The following PHLPP2 variants were observed in gnomAD, a reference collection of about 807,000 sequenced individuals.
PHLPP2 encodes the protein PH domain and leucine rich repeat protein phosphatase 2, also known as PH domain leucine-rich repeat-containing protein phosphatase 2.
Under a neutral mutation model 124.9 loss-of-function variants are expected in PHLPP2, and 66 were observed. That is an observed-to-expected ratio of 0.53 (90% CI 0.43 to 0.65). The LOEUF is 0.65. Ranked by LOEUF, PHLPP2 falls within the 30% of genes least tolerant of loss-of-function variation. The probability of loss-of-function intolerance (pLI) is 0.00; values close to 1 mark genes in which losing one functional copy is unlikely to be tolerated. For synonymous variants in PHLPP2, 681 were observed against 624.7 expected (o/e 1.09, Z -1.34); for missense variants, 1,685 against 1,600.4 (o/e 1.05, Z -0.90).
chr16:71,676,385 T>C, intron 9 of PHLPP2, 62 bp downstream of exon 9: 3 of 1,354,600 alleles, frequency 2.2e-6, no homozygotes, highest in East Asian at 2.3e-5. Flanking sequence ...GGTGCCACTG[T>C]TCTCAGAAAG....
At chr16:71,669,395 G>C (rs765416595) in intron 10 of PHLPP2, 25 bp from the exon 11 acceptor site, 2 of 1,515,238 alleles carry the variant, frequency 1.3e-6, no homozygotes, top group Non-Finnish European at 1.8e-6. Context: ...TAATTAAATG[G>C]CACCATTTAA....
At chr16:71,690,402 A>G in intron 4 of PHLPP2, 117 bp downstream of exon 4, 1 of 725,394 alleles carries the variant, frequency 1.4e-6, no homozygotes. Flanking sequence ...ATAATCTTTA[A>G]TAATGCCCAT....
chr16:71,664,090 G>C lies in PHLPP2; in HGVS notation c.1794C>G (p.Tyr598Ter), dbSNP rs2044817691. ...CCAGACTATTTGCAGATGCATTCAAGTATCTGAGACTGACAGAACACACAC... is the reference window on the plus strand; with the variant it reads ...CCAGACTATTTGCAGATGCATTCAACTATCTGAGACTGACAGAACACACAC... ...TLFSKALNLR[Y>*]LNASANSLES... The change falls in exon 13 of 19, where the codon TAC becomes TAG. Residue 598 changes from tyrosine (Y) to a stop codon, truncating the protein, a stop_gained. Transcript: ENST00000568954. LOFTEE classifies it high-confidence loss of function. 1.2e-6 allele frequency: 2 copies of C among 1,610,642 alleles called. No individual in the cohort carries two copies. The highest frequency in any genetic ancestry group is 2.7e-5 in the African/African-American group (2 of 74,934).
At chr16:71,704,711 T>G (rs1254637384) in intron 2 of PHLPP2, among the ~76,000 whole-genome samples, 1 of 152,166 alleles carries the variant, frequency 6.6e-6, no homozygotes, top group Non-Finnish European at 1.5e-5. Context: ...CTTTTCAGAT[T>G]ATGTAGACAT....
chr16:71,723,944 G>A, intron 1 of PHLPP2: 1 of 436,212 alleles, frequency 2.3e-6, no homozygotes, highest in Non-Finnish European at 3.1e-6. Context: ...CGAGCAACCG[G>A]TGGCCCCGCC....
intron 17 of PHLPP2, among the ~76,000 whole-genome samples, 195 bp from the exon 18 acceptor site, chr16:71,653,216 T>C (rs2044710668): frequency 6.6e-6 from 1 of 151,580 alleles, no homozygotes; most frequent in Non-Finnish European, 1.5e-5. Flanking sequence ...CCACTCTCGC[T>C]GAGGAAAAGG....
At chr16:71,676,693 T>C (rs961486535) in intron 8 of PHLPP2, 44 bp from the exon 9 acceptor site, 1 of 1,335,798 alleles carries the variant, frequency 7.5e-7, no homozygotes, top group Non-Finnish European at 1.1e-6. Context: ...TAAGAGTCTA[T>C]TAAATGTGCT....
rs73580242 is a variant in PHLPP2 at position 71,722,020 on chromosome 16, T to C, written c.-7+2309A>G. On this transcript the variant is annotated intron_variant, in intron 1 of 18. Transcript: ENST00000568954. ...AAGAGTTACAAAAAAGAATGAAGTT[T>C]TGGAAGGGTCTTCAGAGAAAAATGA... 2.5e-3 allele frequency among the ~76,000 whole-genome samples: 376 copies of C among 152,328 alleles called. 2 individuals are homozygous for C. Among genetic ancestry groups the C allele is most frequent in the African/African-American group, 8.1e-3 (337 of 41,574 alleles).
intron 8 of PHLPP2, chr16:71,676,877 T>G (rs1351746777): frequency 2.1e-6 from 1 of 477,716 alleles, no homozygotes; most frequent in African/African-American, 2.0e-5. Context: ...GCCTCCCAAG[T>G]TGCTGGGATT....
intron 12 of PHLPP2, among the ~76,000 whole-genome samples, chr16:71,666,515 A>C (rs1224466267): frequency 6.6e-6 from 1 of 152,200 alleles, no homozygotes; most frequent in Non-Finnish European, 1.5e-5. Context: ...CATGTCTCTA[A>C]AAGCAAAAAA....
Position 71,663,967 on chromosome 16 carries a change from G to A in PHLPP2, c.1917C>T (p.Val639=), listed in dbSNP as rs367706830. 76 of 1,613,846 alleles carry A rather than the reference G, an allele frequency of 4.7e-5. No individual in the cohort carries two copies. Among genetic ancestry groups the A allele is most frequent in the Admixed American group, 8.3e-5 (5 of 59,998 alleles). ...NNLLTDQCIP[V]LVGHLHLRIL... Reference sequence around the variant, plus strand: ...TTCGCAGGTGCAGGTGCCCTACCAGGACAGGTATGCACTGATCCGTCAGGA... The same window carrying A: ...TTCGCAGGTGCAGGTGCCCTACCAGAACAGGTATGCACTGATCCGTCAGGA... The change falls in exon 13 of 19, where the codon GTC becomes GTT. Residue 639 remains valine (V), a synonymous_variant. Transcript: ENST00000568954.
chr16:71,718,517 C>T (rs188472571), intron 1 of PHLPP2, among the ~76,000 whole-genome samples: 1 of 151,402 alleles, frequency 6.6e-6, no homozygotes, highest in Admixed American at 6.6e-5. Context: ...GAGGCGGAGG[C>T]CACAGTGAGC....
At chr16:71,683,827 G>A (rs1020636610) in intron 5 of PHLPP2, among the ~76,000 whole-genome samples, 1 of 151,600 alleles carries the variant, frequency 6.6e-6, no homozygotes, top group African/African-American at 2.4e-5. Flanking sequence ...TTTTGCTCTT[G>A]TTGCCCGGGC....
At position 71,722,190 on chromosome 16, in the gene PHLPP2, G is replaced by A. The variant is rs974777150; in HGVS notation, c.-7+2139C>T. 3.9e-5 allele frequency among the ~76,000 whole-genome samples: 6 copies of A among 152,182 alleles called. No homozygotes were observed. In the East Asian group the frequency reaches 5.8e-4, roughly 15 times the overall value. ...CTCATCCTTGTAATTCCAACACTTCGGGAGGCCAAGGCGGGCGGATCACTG... is the reference window on the plus strand; with the variant it reads ...CTCATCCTTGTAATTCCAACACTTCAGGAGGCCAAGGCGGGCGGATCACTG... On this transcript the variant is annotated intron_variant, in intron 1 of 18. Coordinates refer to ENST00000568954, the MANE Select transcript of PHLPP2 (RefSeq NM_015020.3).
rs1376023359 is a variant in PHLPP2 at position 71,646,537 on chromosome 16, T to A, written c.*2353A>T. 6.6e-6 allele frequency: 1 copy of A among 152,202 alleles called. No individual in the cohort carries two copies. The highest frequency in any genetic ancestry group is 2.4e-5 in the African/African-American group (1 of 41,446). The allele number at this position is 152,202 out of a possible 1,614,324, so 9.4% of individuals were successfully genotyped here. ...AATAGCAGACAAGAAGGGTTCACCA[T>A]AATGAATAATTTTTATAAGACTATA... On this transcript the variant is annotated 3_prime_UTR_variant, in exon 19 of 19. Transcript: ENST00000568954.
chr16:71,685,695 A>G (rs1421264624), intron 4 of PHLPP2, among the ~76,000 whole-genome samples: 1 of 152,232 alleles, frequency 6.6e-6, no homozygotes, highest in African/African-American at 2.4e-5. Flanking sequence ...AAGAATAGAT[A>G]CTGACTGTTT....
At chr16:71,685,627 G>A (rs2045048010) in intron 4 of PHLPP2, among the ~76,000 whole-genome samples, 2 of 152,054 alleles carry the variant, frequency 1.3e-5, no homozygotes, top group Admixed American at 6.6e-5. Context: ...TTTTTCATTA[G>A]TAACAAATCA....
Position 71,698,138 on chromosome 16 carries a change from C to T in PHLPP2, c.418+4460G>A, listed in dbSNP as rs555931175. Among the ~76,000 whole-genome samples the T allele has an allele frequency of 9.3e-4, 142 of 152,180 alleles. 1 individual carries two copies. Among genetic ancestry groups the T allele is most frequent in the African/African-American group, 1.9e-3 (77 of 41,522 alleles). ...CTGGGATTACAGGTGTGAGCCACCG[C>T]GCCCGGCCCAGAAAGTAGGATTTAT... On this transcript the variant is annotated intron_variant, in intron 3 of 18. Coordinates refer to ENST00000568954, the MANE Select transcript of PHLPP2 (RefSeq NM_015020.3).
At chr16:71,669,253 A>G (rs2044868291) in intron 11 of PHLPP2, 22 bp downstream of exon 11, 2 of 1,466,404 alleles carry the variant, frequency 1.4e-6, no homozygotes, top group South Asian at 2.3e-5. Flanking sequence ...TATACATAAT[A>G]TATGCATCCA....
Sources: allele counts gnomAD v4.1 joint callset (sites outside exome capture counted in the v4.1 genomes callset), GRCh38; gene constraint gnomAD v4.1.1; transcripts MANE v1.5; gene names NCBI Gene and HGNC (gene_info 2026-07-23, HGNC 2026-07-21).